Variants in BCAR3 observed in about 807,000 individuals in gnomAD.
BCAR3 encodes the protein breast cancer anti-estrogen resistance protein 3.
BCAR3 carries 37 observed loss-of-function variants against 80.1 expected under a neutral mutation model. The observed-to-expected ratio is 0.46, with a 90% CI of 0.36 to 0.61. The LOEUF (loss-of-function observed/expected upper bound fraction) is 0.61, where lower values mean the gene tolerates loss of function less well. BCAR3 is among the 20% of genes least tolerant of loss of function. The pLI, the probability that BCAR3 is intolerant of heterozygous loss-of-function variation, is 0.00. For synonymous variants in BCAR3, 389 were observed against 418.9 expected (o/e 0.93, Z 0.87); for missense variants, 978 against 1,068.2 (o/e 0.92, Z 1.18).
At chr1:93,759,031 T>C (rs1651843022) in intron 2 of BCAR3, among the ~76,000 whole-genome samples, 1 of 152,124 alleles carries the variant, frequency 6.6e-6, no homozygotes, top group African/African-American at 2.4e-5. Flanking sequence ...CCAACACTAT[T>C]GTGCAAAATT....
At chr1:93,568,185 CAAAAA>C in intron 9 of BCAR3, 1 of 127,598 alleles carries the variant, frequency 7.8e-6, no homozygotes, top group Non-Finnish European at 1.7e-5. Flanking sequence ...GACCCTGTCT[CAAAAA>C]AAAAAAAATA....
intron 2 of BCAR3, among the ~76,000 whole-genome samples, chr1:93,706,773 T>C (rs1266856445): frequency 6.6e-6 from 1 of 152,254 alleles, no homozygotes; most frequent in Non-Finnish European, 1.5e-5. Context: ...AATGGAGAAT[T>C]ACTTATATAA....
intron 2 of BCAR3, among the ~76,000 whole-genome samples, chr1:93,769,360 T>C (rs1338220539): frequency 1.2e-4 from 9 of 72,868 alleles, no homozygotes; most frequent in African/African-American, 5.9e-4. Context: ...TAGGAATGTG[T>C]GTGTGTGTGT....
At chr1:93,699,177 G>C (rs961319260) in intron 3 of BCAR3, among the ~76,000 whole-genome samples, 24 of 152,168 alleles carry the variant, frequency 1.6e-4, no homozygotes, top group Non-Finnish European at 2.8e-4. Context: ...AACCCTGGTC[G>C]GCCAGTAAAC....
intron 2 of BCAR3, among the ~76,000 whole-genome samples, chr1:93,789,417 C>A (rs990317518): frequency 5.9e-5 from 9 of 152,156 alleles, no homozygotes; most frequent in African/African-American, 2.2e-4. Flanking sequence ...TTTGTAGGAG[C>A]TAAAAACCTT....
intron 2 of BCAR3, among the ~76,000 whole-genome samples, chr1:93,667,028 G>C (rs1244565094): frequency 6.6e-6 from 1 of 152,208 alleles, no homozygotes; most frequent in African/African-American, 2.4e-5. Context: ...ACCCTCACAT[G>C]AGATTGTATC....
intron 7 of BCAR3, among the ~76,000 whole-genome samples, chr1:93,576,408 C>T (rs1337159966): frequency 6.6e-6 from 1 of 152,214 alleles, no homozygotes; most frequent in East Asian, 1.9e-4. Context: ...TCTGCCCAGC[C>T]AGAGAACAGT....
intron 3 of BCAR3, among the ~76,000 whole-genome samples, chr1:93,638,697 G>A (rs1298466560): frequency 6.6e-6 from 1 of 152,182 alleles, no homozygotes; most frequent in African/African-American, 2.4e-5. Flanking sequence ...GGAGGAAGGT[G>A]GAGCCACTCT....
chr1:93,711,601 C>T (rs544444281), intron 2 of BCAR3, among the ~76,000 whole-genome samples: 6 of 152,176 alleles, frequency 3.9e-5, no homozygotes, highest in Middle Eastern at 3.4e-3. Context: ...TGGAAGAAGC[C>T]GCAAAGGGGT....
intron 2 of BCAR3, among the ~76,000 whole-genome samples, chr1:93,750,237 C>T (rs534362320): frequency 1.6e-4 from 25 of 152,322 alleles, no homozygotes; most frequent in East Asian, 5.8e-4. Context: ...CAGCAAGGAA[C>T]GGAAAACCAC....
In BCAR3 at chr1:93,630,699, C is replaced by T. The variant is rs1675592619; in HGVS notation, c.357+11605G>A. Among the ~76,000 whole-genome samples, 4 of 152,214 alleles carry T rather than the reference C, an allele frequency of 2.6e-5. 1 individual carries two copies. The South Asian group carries it at 8.3e-4, about 32-fold the overall frequency. ...AATATACAGAGTAATGAGATAGTGA[C>T]TTGGGGACTGCTTTTAGTACGGATG... is the stretch of plus-strand genomic sequence containing the variant. On this transcript the variant is annotated intron_variant, in intron 3 of 11. Coordinates refer to ENST00000260502, the MANE Select transcript of BCAR3 (RefSeq NM_003567.4).
intron 2 of BCAR3, among the ~76,000 whole-genome samples, chr1:93,727,134 G>A (rs377412131): frequency 1.1e-4 from 16 of 152,250 alleles, no homozygotes; most frequent in African/African-American, 3.6e-4. Context: ...AGCCTGCATT[G>A]TCATGGTCTT....
chr1:93,578,021 A>C (rs542255094), intron 7 of BCAR3, among the ~76,000 whole-genome samples: 1 of 152,302 alleles, frequency 6.6e-6, no homozygotes, highest in South Asian at 2.1e-4. Flanking sequence ...TCACTGACAC[A>C]AAGGAAGGAC....
chr1:93,567,166 C>T (rs1672985048), intron 11 of BCAR3, 113 bp downstream of exon 11: 2 of 1,309,878 alleles, frequency 1.5e-6, no homozygotes, highest in African/African-American at 2.9e-5. Flanking sequence ...GAATTCCATT[C>T]TTTAATCCTT....
intron 2 of BCAR3, among the ~76,000 whole-genome samples, chr1:93,657,424 C>T (rs1557642690): frequency 6.6e-6 from 1 of 151,738 alleles, no homozygotes; most frequent in African/African-American, 2.4e-5. Flanking sequence ...CTTCCAGAGA[C>T]AAAAAAGAGG....
intron 4 of BCAR3, 119 bp from the exon 5 acceptor site, chr1:93,589,538 G>A (rs751383792): frequency 5.3e-5 from 46 of 868,068 alleles, no homozygotes; most frequent in Non-Finnish European, 8.0e-5. Flanking sequence ...CTCTTCTTGG[G>A]TCAGCTCTTT....
rs150063576 is a variant in BCAR3, at chr1:93,568,376, G to C, written c.1975-525C>G. ...CAACTCTCTTCAACTGCTTGTGCGT[G>C]TGTGTTTCACATACAGCCTGGCCTG... On this transcript the variant is annotated intron_variant, in intron 9 of 11. Transcript: ENST00000260502. Among the ~76,000 whole-genome samples, 722 of 152,236 alleles carry C rather than the reference G, an allele frequency of 4.7e-3. 15 individuals are homozygous for C. Among genetic ancestry groups the C allele is most frequent in the Admixed American group, 0.043 (657 of 15,294 alleles).
intron 2 of BCAR3, among the ~76,000 whole-genome samples, chr1:93,762,761 G>T (rs534028335): frequency 8.0e-4 from 122 of 152,074 alleles, no homozygotes; most frequent in African/African-American, 2.9e-3. Context: ...ACCCCAGCCT[G>T]ATCCCAACCT....
At chr1:93,768,257 ATGTGTGTGTGTTTGTG>A (rs1557681902) in intron 2 of BCAR3, among the ~76,000 whole-genome samples, 1 of 136,622 alleles carries the variant, frequency 7.3e-6, no homozygotes, top group Non-Finnish European at 1.5e-5. Flanking sequence ...GACTGAGTGA[ATGTGTGTGTGTTTGTG>A]TGTGTGTGTG....
Sources: gnomAD v4.1 joint callset for allele counts (sites outside exome capture counted in the v4.1 genomes callset) on GRCh38, gnomAD v4.1.1 for gene constraint, MANE v1.5 for transcripts, NCBI Gene and HGNC (gene_info 2026-07-23, HGNC 2026-07-21) for gene names.